Variants in TBC1D19 observed in about 807,000 individuals in gnomAD.
TBC1D19 encodes TBC1 domain family member 19.
In TBC1D19, 60 loss-of-function variants were observed where a neutral mutation model predicts 89.0. The ratio of observed to expected loss-of-function variants is 0.67; its 90% CI spans 0.55 to 0.84. The LOEUF (loss-of-function observed/expected upper bound fraction) is 0.84. TBC1D19 is among the 40% of genes least tolerant of loss of function. The probability of loss-of-function intolerance (pLI) is 0.00; values close to 1 mark genes in which losing one functional copy is unlikely to be tolerated. For synonymous variants in TBC1D19, 189 were observed against 199.7 expected, an observed-to-expected ratio of 0.95 and a Z score of 0.45; for missense variants, 500 against 610.8, an observed-to-expected ratio of 0.82 and a Z score of 1.91.
At chr4:26,695,171 T>C (rs542408418) in intron 13 of TBC1D19, among the ~76,000 whole-genome samples, 2 of 152,278 alleles carry the variant, frequency 1.3e-5, no homozygotes, top group South Asian at 2.1e-4. Context: ...AGTGACCTGA[T>C]GGAGCTGAAA....
intron 7 of TBC1D19, 39 bp from the exon 8 acceptor site, chr4:26,659,558 G>C (rs758760664): frequency 7.2e-7 from 1 of 1,384,090 alleles, no homozygotes; most frequent in Non-Finnish European, 1.0e-6. Flanking sequence ...AAACATCCTG[G>C]AAAGAAACTA....
At chr4:26,703,973 A>AAG (rs1354686551) in intron 13 of TBC1D19, among the ~76,000 whole-genome samples, 5 of 150,440 alleles carry the variant, frequency 3.3e-5, no homozygotes, top group Non-Finnish European at 7.4e-5. Flanking sequence ...AAAAAAAAAA[A>AAG]AAAGAAAAAA....
chr4:26,602,524 C>T (rs760418160), intron 1 of TBC1D19, among the ~76,000 whole-genome samples: 4 of 148,290 alleles, frequency 2.7e-5, no homozygotes, highest in Non-Finnish European at 4.4e-5. Flanking sequence ...TCACTGCAAG[C>T]GCCGCCTCCG....
At chr4:26,667,272 G>A (rs962672463) in intron 9 of TBC1D19, among the ~76,000 whole-genome samples, 2 of 151,778 alleles carry the variant, frequency 1.3e-5, no homozygotes, top group African/African-American at 2.4e-5. Flanking sequence ...TATAATAAGA[G>A]GACAGCTTAA....
At chr4:26,600,398 G>T (rs1452157711) in intron 1 of TBC1D19, among the ~76,000 whole-genome samples, 2 of 152,198 alleles carry the variant, frequency 1.3e-5, no homozygotes, top group African/African-American at 2.4e-5. Flanking sequence ...TGTCTCCATA[G>T]AAAATACATA....
intron 1 of TBC1D19, among the ~76,000 whole-genome samples, chr4:26,594,358 G>T (rs1411746988): frequency 6.6e-6 from 1 of 152,116 alleles, no homozygotes; most frequent in Non-Finnish European, 1.5e-5. Flanking sequence ...GTGGAGAGGG[G>T]AGGGATAGCA....
rs753988782 is a variant in TBC1D19 at position 26,584,271 on chromosome 4, T to A, written c.78T>A (p.Ser26=). ...AGCTCAAGGGCTCCAATTTGTACTC[T>A]CAGCTGGAACGGCAGGCCTGGGTAA... is the stretch of plus-strand genomic sequence containing the variant. ...VQKLKGSNLY[S]QLERQAWASL... Residue 26 remains serine (S), a synonymous_variant, in exon 1 of 21, where the codon TCT becomes TCA. Coordinates refer to ENST00000264866, the MANE Select transcript of TBC1D19 (RefSeq NM_018317.4). 6.2e-7 allele frequency: 1 copy of A among 1,611,790 alleles called. No homozygotes were observed. Among genetic ancestry groups the A allele is most frequent in the South Asian group, 1.1e-5 (1 of 90,230 alleles).
the TBC1D19 span, among the ~76,000 whole-genome samples, chr4:26,842,340 C>CTTTTTTTTTTTTTTTT: frequency 1.2e-3 from 97 of 81,600 alleles, no homozygotes; most frequent in Non-Finnish European, 1.6e-3. Context: ...CTTTTCTTTT[C>CTTTTTTTTTTTTTTTT]TTTTTTTTTT....
chr4:26,653,093 A>G (rs537935377), intron 7 of TBC1D19, among the ~76,000 whole-genome samples: 34 of 152,282 alleles, frequency 2.2e-4, no homozygotes, highest in African/African-American at 6.3e-4. Context: ...GTTTCAAAGA[A>G]CATCTTTATT....
intron 1 of TBC1D19, among the ~76,000 whole-genome samples, chr4:26,587,119 G>T (rs1345558919): frequency 6.6e-6 from 1 of 152,060 alleles, no homozygotes; most frequent in Non-Finnish European, 1.5e-5. Context: ...TATTTTTCCT[G>T]CTCATGTTGA....
chr4:26,737,290 G>A (rs896999870), intron 16 of TBC1D19, among the ~76,000 whole-genome samples: 10 of 152,006 alleles, frequency 6.6e-5, no homozygotes, highest in South Asian at 2.1e-4. Flanking sequence ...ACCTTACAGC[G>A]TATTTATCTT....
downstream of TBC1D19, among the ~76,000 whole-genome samples, chr4:26,760,505 G>A (rs1719420233): frequency 6.6e-6 from 1 of 152,120 alleles, no homozygotes; most frequent in African/African-American, 2.4e-5. Flanking sequence ...TTGAGGCTGG[G>A]GGTTAAGGCT....
chr4:26,646,403 G>A (rs560737535), intron 7 of TBC1D19, among the ~76,000 whole-genome samples: 48 of 152,278 alleles, frequency 3.2e-4, no homozygotes, highest in African/African-American at 1.2e-3. Context: ...AGACAGTGTG[G>A]TGATTCCTCA....
chr4:26,695,985 CA>C (rs1329824828), intron 13 of TBC1D19, among the ~76,000 whole-genome samples: 1 of 152,192 alleles, frequency 6.6e-6, no homozygotes, highest in Non-Finnish European at 1.5e-5. Flanking sequence ...GTCATAATGA[CA>C]GGATCAAATT....
At chr4:26,676,245 T>C (rs1712794030) in intron 11 of TBC1D19, among the ~76,000 whole-genome samples, 2 of 152,222 alleles carry the variant, frequency 1.3e-5, no homozygotes, top group South Asian at 4.1e-4. Flanking sequence ...TCACGGTGCC[T>C]GTTTCTGACC....
chr4:26,730,073 G>A (rs1717561797), intron 15 of TBC1D19, among the ~76,000 whole-genome samples: 1 of 152,120 alleles, frequency 6.6e-6, no homozygotes, highest in African/African-American at 2.4e-5. Context: ...CAATTAGGAG[G>A]CTCTTACAGA....
At chr4:26,632,213 A>C (rs1742844857) in intron 4 of TBC1D19, among the ~76,000 whole-genome samples, 1 of 151,988 alleles carries the variant, frequency 6.6e-6, no homozygotes, top group Non-Finnish European at 1.5e-5. Flanking sequence ...GCTGACCCTT[A>C]AACAATGTGG....
the TBC1D19 span, among the ~76,000 whole-genome samples, chr4:26,856,555 A>G: frequency 6.6e-6 from 1 of 152,162 alleles, no homozygotes; most frequent in Non-Finnish European, 1.5e-5. Flanking sequence ...CCTCCATACT[A>G]CTTTCCAAAA....
intron 19 of TBC1D19, among the ~76,000 whole-genome samples, chr4:26,753,349 G>T (rs1308778430): frequency 6.6e-6 from 1 of 152,082 alleles, no homozygotes; most frequent in East Asian, 1.9e-4. Context: ...CAGTCATTAG[G>T]CCAGGCGTAG....
Sources: allele counts gnomAD v4.1 joint callset (sites outside exome capture counted in the v4.1 genomes callset), GRCh38; gene constraint gnomAD v4.1.1; transcripts MANE v1.5; gene names NCBI Gene and HGNC (gene_info 2026-07-23, HGNC 2026-07-21).